ACSM3: variants seen among roughly 807,000 people sequenced by gnomAD.
ACSM3 encodes the protein acyl-coenzyme A synthetase ACSM3, mitochondrial.
Under a neutral mutation model 74.1 loss-of-function variants are expected in ACSM3, and 61 were observed. The observed-to-expected ratio is 0.82, with a 90% CI of 0.67 to 1.02. The LOEUF (loss-of-function observed/expected upper bound fraction) is 1.02. Ranked by LOEUF, ACSM3 falls within the 50% of genes least tolerant of loss-of-function variation. The pLI is 0.00. For missense variants in ACSM3, 660 were observed against 697.0 expected (o/e 0.95, Z 0.60); for synonymous variants, 213 against 241.5 (o/e 0.88, Z 1.09).
At chr16:20,742,815 T>TATATATATATATATATATATATA (rs1567334289) in intron 1 of ACSM3, among the ~76,000 whole-genome samples, 4 of 47,060 alleles carry the variant, frequency 8.5e-5, no homozygotes, top group African/African-American at 2.2e-4. Context: ...ATATATATAT[T>TATATATATATATATATATATATA]TTTTTTTTTT....
chr16:20,788,090 CT>C (rs1214583213), intron 9 of ACSM3, among the ~76,000 whole-genome samples: 1 of 152,102 alleles, frequency 6.6e-6, no homozygotes, highest in East Asian at 1.9e-4. Context: ...TCACATTCCT[CT>C]TTTTATTTAT....
At chr16:20,682,409 C>A in intron 1 of ACSM3, 2 of 1,613,794 alleles carry the variant, frequency 1.2e-6, no homozygotes, top group South Asian at 2.2e-5. Flanking sequence ...CAACTGTAGT[C>A]GATAGAGAAT....
intron 12 of ACSM3, among the ~76,000 whole-genome samples, chr16:20,793,399 G>A (rs1164376158): frequency 3.3e-5 from 5 of 152,172 alleles, no homozygotes; most frequent in African/African-American, 4.8e-5. Flanking sequence ...GACCCGGGAC[G>A]GGGAGGTTAC....
At chr16:20,723,345 C>T (rs1420380042) in intron 1 of ACSM3, among the ~76,000 whole-genome samples, 6 of 152,090 alleles carry the variant, frequency 3.9e-5, no homozygotes, top group Admixed American at 1.3e-4. Context: ...AATAAACATA[C>T]GTGTGCATGT....
chr16:20,784,312 A>G (rs1351875336), intron 7 of ACSM3, among the ~76,000 whole-genome samples: 1 of 152,220 alleles, frequency 6.6e-6, no homozygotes, highest in Non-Finnish European at 1.5e-5. Context: ...TTCAATATCC[A>G]TATAGGGCTA....
rs2080581441 is a variant in ACSM3 at position 20,790,834 on chromosome 16, G to A, written c.1326+146G>A. On this transcript the variant is annotated intron_variant, in intron 10 of 13. Transcript: ENST00000289416. This position sits in a 1 kb window ranked among gnomAD's most constrained non-coding sequence, Gnocchi z 4.0. ...TCCTGAATAGTAATCCAAAAGACAA[G>A]AAATTGAAGAAATACCCAAATTCTT... The A allele has an allele frequency of 9.3e-6, 15 of 1,613,824 alleles. No individual in the cohort carries two copies. The highest frequency in any genetic ancestry group is 1.3e-5 in the Non-Finnish European group (15 of 1,179,932).
chr16:20,755,639 A>ATTC (rs1399464092), intron 3 of ACSM3: 12 of 149,490 alleles, frequency 8.0e-5, no homozygotes, highest in Admixed American at 8.0e-4. Flanking sequence ...TATTATTATT[A>ATTC]TTATTATTAT....
chr16:20,731,978 G>A (rs780338605), intron 1 of ACSM3, among the ~76,000 whole-genome samples: 23 of 152,152 alleles, frequency 1.5e-4, no homozygotes, highest in Non-Finnish European at 2.5e-4. Context: ...GAAATAATTT[G>A]TCCCATTCTG....
intron 3 of ACSM3, 91 bp downstream of exon 3, chr16:20,776,140 G>T: frequency 1.4e-6 from 2 of 1,389,088 alleles, no homozygotes; most frequent in South Asian, 2.5e-5. Context: ...CATTTATTTT[G>T]TTGTGGGCTT....
chr16:20,705,805 A>G (rs540934160), intron 1 of ACSM3, among the ~76,000 whole-genome samples: 1 of 152,342 alleles, frequency 6.6e-6, no homozygotes, highest in South Asian at 2.1e-4. Flanking sequence ...AAGGATTTCA[A>G]TAACAGTGCT....
chr16:20,690,332 T>C (rs907405220), intron 1 of ACSM3, among the ~76,000 whole-genome samples: 1 of 152,216 alleles, frequency 6.6e-6, no homozygotes, highest in Non-Finnish European at 1.5e-5. Flanking sequence ...ACTCCTAATG[T>C]CACTACTGCT....
At chr16:20,770,860 C>G (rs2080184622) in intron 2 of ACSM3, among the ~76,000 whole-genome samples, 1 of 152,102 alleles carries the variant, frequency 6.6e-6, no homozygotes, top group Admixed American at 6.5e-5. Flanking sequence ...CCCATCATCC[C>G]AAACATGCAT....
intron 1 of ACSM3, among the ~76,000 whole-genome samples, chr16:20,695,183 C>T (rs1356870002): frequency 6.6e-6 from 1 of 152,194 alleles, no homozygotes; most frequent in South Asian, 2.1e-4. Context: ...GTAGCTGAAA[C>T]AGCATGGCCC....
In ACSM3 at chr16:20,796,425, A is replaced by G; in HGVS notation, c.1610A>G (p.Gln537Arg). 6.2e-7 allele frequency: 1 copy of G among 1,613,982 alleles called. No individual in the cohort carries two copies. The highest frequency in any genetic ancestry group is 8.5e-7 in the Non-Finnish European group (1 of 1,179,958). The stretch of plus-strand genomic sequence containing the variant: ...GATTACAAGTCACATGATCAAGAAC[A>G]ACTAATAAAGGAGATTCAGGAGCAT... ...NPDYKSHDQEQLIKEIQEHVK... is the reference protein window; with the variant it reads ...NPDYKSHDQERLIKEIQEHVK... The change falls in exon 13 of 14, where the codon CAA (glutamine) becomes CGA (arginine). Residue 537 changes from glutamine to arginine, a missense_variant. Transcript: ENST00000289416.
intron 1 of ACSM3, chr16:20,736,986 G>A: frequency 1.9e-6 from 3 of 1,614,112 alleles, no homozygotes; most frequent in Non-Finnish European, 2.5e-6. Flanking sequence ...CGTTGGTTTT[G>A]TCTGCCCCAG....
chr16:20,695,073 G>T (rs971406679), intron 1 of ACSM3, among the ~76,000 whole-genome samples: 1 of 152,144 alleles, frequency 6.6e-6, no homozygotes, highest in Non-Finnish European at 1.5e-5. Context: ...AAATAAAGAA[G>T]AAATGACTTT....
chr16:20,712,691 A>G (rs1215938304), intron 1 of ACSM3, among the ~76,000 whole-genome samples: 1 of 151,578 alleles, frequency 6.6e-6, no homozygotes, highest in African/African-American at 2.4e-5. Context: ...TGATCACCTG[A>G]GGTCAGGAGT....
At chr16:20,705,588 C>T (rs1393423575) in intron 1 of ACSM3, among the ~76,000 whole-genome samples, 2 of 152,094 alleles carry the variant, frequency 1.3e-5, no homozygotes, top group African/African-American at 4.8e-5. Flanking sequence ...AGAATCCATG[C>T]AGCCTCAGGC....
chr16:20,678,769 G>A (rs953920763), intron 1 of ACSM3, among the ~76,000 whole-genome samples: 5 of 152,224 alleles, frequency 3.3e-5, no homozygotes, highest in African/African-American at 4.8e-5. Flanking sequence ...CGAAGAGCAT[G>A]AACCAGACAC....
Sources: allele counts gnomAD v4.1 joint callset (sites outside exome capture counted in the v4.1 genomes callset), GRCh38; gene constraint gnomAD v4.1.1; non-coding constraint Gnocchi (gnomAD v3.1); transcripts MANE v1.5; gene names NCBI Gene and HGNC (gene_info 2026-07-23, HGNC 2026-07-21).